Variants in MSI2 observed in about 807,000 individuals in gnomAD.
MSI2 encodes the protein musashi RNA binding protein 2, also known as RNA-binding protein Musashi homolog 2.
MSI2 carries 17 observed loss-of-function variants against 45.6 expected under a neutral mutation model. That is an observed-to-expected ratio of 0.37 (90% confidence interval 0.26 to 0.56). The LOEUF (loss-of-function observed/expected upper bound fraction) is 0.56, where lower values mean the gene tolerates loss of function less well. Among genes scored for constraint, MSI2 ranks in the 20% least tolerant of loss-of-function variants. The probability of loss-of-function intolerance (pLI) is 0.77; values close to 1 mark genes in which losing one functional copy is unlikely to be tolerated. For missense variants in MSI2, 293 were observed against 444.2 expected (o/e 0.66, Z 3.06); for synonymous variants, 156 against 158.2 (o/e 0.99, Z 0.11).
chr17:57,413,680 C>T (rs1187899588), intron 6 of MSI2, among the ~76,000 whole-genome samples: 1 of 151,854 alleles, frequency 6.6e-6, no homozygotes, highest in Non-Finnish European at 1.5e-5. Flanking sequence ...TTTTCCTTTA[C>T]ATATGATTCT....
At chr17:57,512,651 G>A (rs1214112976) in intron 6 of MSI2, among the ~76,000 whole-genome samples, 2 of 152,208 alleles carry the variant, frequency 1.3e-5, no homozygotes, top group African/African-American at 4.8e-5. Flanking sequence ...CCTCTCTGTT[G>A]CCTGGTTTTC....
chr17:57,463,989 ACGTG>A (rs2085280536), intron 6 of MSI2, among the ~76,000 whole-genome samples: 4 of 106,360 alleles, frequency 3.8e-5, no homozygotes, highest in African/African-American at 1.1e-4. Flanking sequence ...AGTTTAATGA[ACGTG>A]TGTGTGTGTG....
rs566395550 is a variant in MSI2 at position 57,563,623 on chromosome 17, T to C, written c.455-33245T>C. Among the ~76,000 whole-genome samples the C allele has an allele frequency of 2.6e-5, 4 of 152,308 alleles. 1 individual carries two copies. The East Asian group carries it at 7.7e-4, about 29-fold the overall frequency. ...CATGTCAGTAATCTCCAGTCCTTCCTAATGTGGACTCTCGCCTTCCAGCAT... is the reference window on the plus strand; with the variant it reads ...CATGTCAGTAATCTCCAGTCCTTCCCAATGTGGACTCTCGCCTTCCAGCAT... On this transcript the variant is annotated intron_variant, in intron 7 of 13. Coordinates refer to ENST00000284073, the MANE Select transcript of MSI2 (RefSeq NM_138962.4).
Position 57,684,049 on chromosome 17 carries a change from A to G in MSI2, c.*4532A>G, listed in dbSNP as rs1464490095. 4.4e-6 allele frequency: 1 copy of G among 226,922 alleles called. No homozygotes were observed. Among genetic ancestry groups the G allele is most frequent in the Non-Finnish European group, 8.8e-6 (1 of 114,160 alleles). 14.1% of individuals were successfully genotyped at this position (226,922 alleles called of 1,614,324 possible). Reference sequence around the variant, plus strand: ...CCTTAATCCAAACACCTGGCTATCAAATAATCAGAATGTATTGTCTCAGAC... The same window carrying G: ...CCTTAATCCAAACACCTGGCTATCAGATAATCAGAATGTATTGTCTCAGAC... On this transcript the variant is annotated 3_prime_UTR_variant, in exon 14 of 14. Coordinates refer to ENST00000284073, the MANE Select transcript of MSI2 (RefSeq NM_138962.4).
intron 6 of MSI2, among the ~76,000 whole-genome samples, chr17:57,515,177 T>C (rs2086443710): frequency 6.6e-6 from 1 of 152,230 alleles, no homozygotes; most frequent in African/African-American, 2.4e-5. Context: ...ACCACTGGGT[T>C]TGATGCTCTT....
At chr17:57,394,449 T>G (rs2083853325) in intron 5 of MSI2, among the ~76,000 whole-genome samples, 1 of 152,212 alleles carries the variant, frequency 6.6e-6, no homozygotes. Flanking sequence ...ACAGATGATC[T>G]ACAGTGAGGG....
intron 5 of MSI2, among the ~76,000 whole-genome samples, chr17:57,352,699 T>C (rs1057023991): frequency 6.6e-6 from 1 of 152,256 alleles, no homozygotes; most frequent in Non-Finnish European, 1.5e-5. Context: ...TAAAAGGCTG[T>C]ACCTAGACAG....
chr17:57,662,867 AC>A (rs1482463163), intron 11 of MSI2, among the ~76,000 whole-genome samples: 1 of 152,246 alleles, frequency 6.6e-6, no homozygotes, highest in Non-Finnish European at 1.5e-5. Context: ...CCAATGTCAG[AC>A]AAAGGAGGCC....
intron 6 of MSI2, among the ~76,000 whole-genome samples, chr17:57,439,262 G>A (rs1170713084): frequency 6.6e-6 from 1 of 152,196 alleles, no homozygotes; most frequent in Non-Finnish European, 1.5e-5. Flanking sequence ...TGATTCATGG[G>A]ATTTTACAGG....
rs1004675703 is a variant in MSI2, at chr17:57,610,662, C to G, written c.538-5308C>G. Among the ~76,000 whole-genome samples, 22 of 93,656 alleles carry G rather than the reference C, an allele frequency of 2.3e-4. 5 individuals carry two copies. Among genetic ancestry groups the G allele is most frequent in the African/African-American group, 7.3e-4 (22 of 29,940 alleles). 61.4% of individuals were successfully genotyped at this position (93,656 alleles called of 152,430 possible). On this transcript the variant is annotated intron_variant, in intron 8 of 13. Coordinates refer to ENST00000284073, the MANE Select transcript of MSI2 (RefSeq NM_138962.4). ...GATGCTGATGGGAGGAGGCACCCAA[C>G]CCAGTGGGCAGCAAGGACAAGAGTG...
intron 10 of MSI2, among the ~76,000 whole-genome samples, chr17:57,651,457 C>G (rs551466625): frequency 1.3e-5 from 2 of 152,224 alleles, no homozygotes; most frequent in African/African-American, 4.8e-5. Flanking sequence ...GCACTCCCTT[C>G]CCTATCTGGC....
intron 7 of MSI2, among the ~76,000 whole-genome samples, chr17:57,589,650 C>T (rs1324468052): frequency 6.6e-6 from 1 of 152,238 alleles, no homozygotes; most frequent in African/African-American, 2.4e-5. Context: ...AGGCCGGTCC[C>T]TCTCATGCTC....
In MSI2 at chr17:57,602,470, G is replaced by A. The variant is rs150406902; in HGVS notation, c.537+5520G>A. On this transcript the variant is annotated intron_variant, in intron 8 of 13. Transcript: ENST00000284073. ...CAGGTCTGAGTGATTCTCGTGCCTC[G>A]GCCTCCCGAGTAGCTGGGATTATAG... Among the ~76,000 whole-genome samples, 1,253 of 152,080 alleles carry A rather than the reference G, an allele frequency of 8.2e-3. 16 individuals carry two copies. Among genetic ancestry groups the A allele is most frequent in the African/African-American group, 0.028 (1,151 of 41,468 alleles).
chr17:57,598,722 G>T (rs1159957817), intron 8 of MSI2, among the ~76,000 whole-genome samples: 1 of 152,008 alleles, frequency 6.6e-6, no homozygotes, highest in South Asian at 2.1e-4. Context: ...GAATGCAGTG[G>T]CACGATCTCG....
In MSI2 at chr17:57,531,009, G is replaced by T. The variant is rs995210830; in HGVS notation, c.454+1285G>T. Among the ~76,000 whole-genome samples, 93 of 152,100 alleles carry T rather than the reference G, an allele frequency of 6.1e-4. 7 individuals carry two copies. Among genetic ancestry groups the T allele is most frequent in the Non-Finnish European group, 1.5e-5 (1 of 68,004 alleles). On this transcript the variant is annotated intron_variant, in intron 7 of 13. Transcript: ENST00000284073. ...GGGGAGCAGTGGAGAAGCAGGGAGA[G>T]AAAGGAGGGGCATGCAGGTGTGGAA...
In MSI2 at chr17:57,309,835, G is replaced by A. The variant is rs145799991; in HGVS notation, c.312+47643G>A. ...AGGGAGGCACGACTCAGTGGCAGAA[G>A]GGTTCTCGAGGCCCGAGTGGAGTGC... On this transcript the variant is annotated intron_variant, in intron 5 of 13. Transcript: ENST00000284073. 4.0e-3 allele frequency among the ~76,000 whole-genome samples: 604 copies of A among 152,278 alleles called. 3 individuals carry two copies. The highest frequency in any genetic ancestry group is 0.014 in the Middle Eastern group (4 of 294).
intron 6 of MSI2, among the ~76,000 whole-genome samples, chr17:57,517,063 T>C (rs929843906): frequency 6.6e-6 from 1 of 152,228 alleles, no homozygotes; most frequent in African/African-American, 2.4e-5. Context: ...AGCAGCATTT[T>C]CTTAGCCATT....
intron 10 of MSI2, among the ~76,000 whole-genome samples, chr17:57,649,779 G>T (rs529334948): frequency 6.6e-6 from 1 of 152,350 alleles, no homozygotes. Flanking sequence ...GCAGAAGGGG[G>T]CCAGGAGGAC....
chr17:57,670,185 A>G (rs576097335), intron 11 of MSI2, among the ~76,000 whole-genome samples: 1 of 152,342 alleles, frequency 6.6e-6, no homozygotes, highest in Non-Finnish European at 1.5e-5. Context: ...TTTTTGCCTC[A>G]GGTCCAGTGA....
Sources: allele counts gnomAD v4.1 joint callset (sites outside exome capture counted in the v4.1 genomes callset), GRCh38; gene constraint gnomAD v4.1.1; transcripts MANE v1.5; gene names NCBI Gene and HGNC (gene_info 2026-07-23, HGNC 2026-07-21).